Variants in ADAMTS6 observed in about 807,000 individuals in gnomAD.
ADAMTS6 encodes A disintegrin and metalloproteinase with thrombospondin motifs 6.
In ADAMTS6, 23 loss-of-function variants were observed where a neutral mutation model predicts 144.3. That is an observed-to-expected ratio of 0.16 (90% CI 0.11 to 0.23). ADAMTS6 has a LOEUF of 0.23. Ranked by LOEUF, ADAMTS6 falls within the 10% of genes least tolerant of loss-of-function variation. ADAMTS6 has a pLI of 1.00. For missense variants in ADAMTS6, 999 were observed against 1,379.6 expected (o/e 0.72, Z 4.37); for synonymous variants, 444 against 457.5 (o/e 0.97, Z 0.38).
intron 20 of ADAMTS6, among the ~76,000 whole-genome samples, chr5:65,204,725 AT>A (rs560693316): frequency 5.3e-5 from 8 of 152,160 alleles, no homozygotes; most frequent in Non-Finnish European, 1.2e-4. Flanking sequence ...AACTCAAGTC[AT>A]TTTTTTATAG....
At chr5:65,370,546 C>T (rs965106010) in intron 7 of ADAMTS6, among the ~76,000 whole-genome samples, 4 of 152,202 alleles carry the variant, frequency 2.6e-5, no homozygotes, top group Admixed American at 6.5e-5. Context: ...TCACTCCCAC[C>T]CAAATACCGC....
At chr5:65,241,992 C>T (rs1019272385) in intron 15 of ADAMTS6, 112 bp downstream of exon 15, 6 of 614,832 alleles carry the variant, frequency 9.8e-6, no homozygotes, top group Non-Finnish European at 1.5e-5. Flanking sequence ...TTGGCAAACA[C>T]TAATTTTAAC....
chr5:65,476,914 ATATATT>A (rs1760877064), intron 1 of ADAMTS6, among the ~76,000 whole-genome samples: 1 of 152,106 alleles, frequency 6.6e-6, no homozygotes, highest in African/African-American at 2.4e-5. Flanking sequence ...CGCCCAGTCG[ATATATT>A]TATAAGTGGT....
intron 7 of ADAMTS6, among the ~76,000 whole-genome samples, chr5:65,425,460 G>T (rs370172128): frequency 6.6e-6 from 1 of 152,110 alleles, no homozygotes. Context: ...ACCTGTAAAT[G>T]CAAGAAATCA....
At chr5:65,373,844 A>T (rs1311173277) in intron 7 of ADAMTS6, among the ~76,000 whole-genome samples, 1 of 152,114 alleles carries the variant, frequency 6.6e-6, no homozygotes, top group Non-Finnish European at 1.5e-5. Flanking sequence ...ATGAACATTG[A>T]TGCAAAAATC....
chr5:65,254,307 C>T (rs185389027), intron 14 of ADAMTS6, among the ~76,000 whole-genome samples: 79 of 152,056 alleles, frequency 5.2e-4, no homozygotes, highest in African/African-American at 1.8e-3. Flanking sequence ...CAAAATTGCA[C>T]ACTAAAAATA....
At chr5:65,224,196 C>T (rs1174249302) in intron 18 of ADAMTS6, 124 bp downstream of exon 18, 15 of 758,514 alleles carry the variant, frequency 2.0e-5, no homozygotes, top group Non-Finnish European at 2.7e-5. Flanking sequence ...AAACTTAGAG[C>T]TTACTTCATT....
chr5:65,234,172 A>G (rs1339219924), intron 15 of ADAMTS6, among the ~76,000 whole-genome samples: 1 of 151,904 alleles, frequency 6.6e-6, no homozygotes, highest in Non-Finnish European at 1.5e-5. Context: ...AATTAAACGT[A>G]AGACTACTAG....
chr5:65,224,841 A>G (rs1048724191), intron 17 of ADAMTS6, 83 bp downstream of exon 17: 6 of 1,451,764 alleles, frequency 4.1e-6, no homozygotes, highest in Admixed American at 2.6e-5. Flanking sequence ...AAGAAATCTG[A>G]AAAACAGGGG....
At chr5:65,176,505 T>C (rs1753989893) in intron 22 of ADAMTS6, among the ~76,000 whole-genome samples, 1 of 152,216 alleles carries the variant, frequency 6.6e-6, no homozygotes, top group South Asian at 2.1e-4. Context: ...AAAACGTTAA[T>C]TGTAAAGAAA....
At chr5:65,212,893 A>C (rs1756637503) in intron 20 of ADAMTS6, among the ~76,000 whole-genome samples, 1 of 152,210 alleles carries the variant, frequency 6.6e-6, no homozygotes, top group African/African-American at 2.4e-5. Context: ...TTCTTTAATA[A>C]GTTTATCCCA....
chr5:65,274,284 C>T lies in ADAMTS6; in HGVS notation c.1513-837G>A, dbSNP rs1227082921. Among the ~76,000 whole-genome samples, 3 of 152,050 alleles carry T rather than the reference C, an allele frequency of 2.0e-5. No homozygotes were observed. The East Asian group carries it at 5.8e-4, about 29-fold the overall frequency. ...GGTTTCAACCGCCCCCAAAAAGCTT[C>T]CTTTTGAAGAAAATAGTCAAATTTT... On this transcript the variant is annotated intron_variant, in intron 11 of 24. Coordinates refer to ENST00000381055, the MANE Select transcript of ADAMTS6 (RefSeq NM_197941.4).
chr5:65,475,635 C>T (rs1002038844), intron 1 of ADAMTS6, among the ~76,000 whole-genome samples: 9 of 151,748 alleles, frequency 5.9e-5, no homozygotes, highest in Non-Finnish European at 1.3e-4. Flanking sequence ...TCCCGGAAGA[C>T]GAATACAATT....
chr5:65,263,020 T>G (rs1320925876), intron 12 of ADAMTS6, 58 bp from the exon 13 acceptor site: 2 of 1,607,040 alleles, frequency 1.2e-6, no homozygotes, highest in Non-Finnish European at 1.7e-6. Context: ...GCTATCAGGA[T>G]AGAAATACAT....
At chr5:65,383,811 A>G (rs781183743) in intron 7 of ADAMTS6, among the ~76,000 whole-genome samples, 5 of 151,880 alleles carry the variant, frequency 3.3e-5, no homozygotes, top group Non-Finnish European at 5.9e-5. Context: ...CCTCATAGCA[A>G]TTCTCTGCCT....
At chr5:65,281,918 CTATA>C (rs1224313792) in intron 11 of ADAMTS6, among the ~76,000 whole-genome samples, 2 of 151,844 alleles carry the variant, frequency 1.3e-5, no homozygotes, top group Non-Finnish European at 2.9e-5. Flanking sequence ...TTTTAAGAAA[CTATA>C]TACGTTAAAC....
At chr5:65,470,514 C>T (rs1760349149) in intron 3 of ADAMTS6, among the ~76,000 whole-genome samples, 1 of 151,880 alleles carries the variant, frequency 6.6e-6, no homozygotes, top group Non-Finnish European at 1.5e-5. Flanking sequence ...AACAGAAAAA[C>T]ATAAGTCTAA....
At chr5:65,220,573 C>G (rs1334274131) in intron 18 of ADAMTS6, among the ~76,000 whole-genome samples, 1 of 151,908 alleles carries the variant, frequency 6.6e-6, no homozygotes, top group African/African-American at 2.4e-5. Context: ...GGTGAAACCC[C>G]GTTTCTACTA....
intron 7 of ADAMTS6, among the ~76,000 whole-genome samples, chr5:65,338,575 A>G (rs1747525468): frequency 6.6e-6 from 1 of 152,216 alleles, no homozygotes; most frequent in Non-Finnish European, 1.5e-5. Flanking sequence ...AGGGCAGCCA[A>G]GCAGCCTTTT....
Sources: gnomAD v4.1 joint callset for allele counts (sites outside exome capture counted in the v4.1 genomes callset) on GRCh38, gnomAD v4.1.1 for gene constraint, MANE v1.5 for transcripts, NCBI Gene and HGNC (gene_info 2026-07-23, HGNC 2026-07-21) for gene names.